Variants in PTPRD observed in about 807,000 individuals in gnomAD.
PTPRD encodes protein tyrosine phosphatase receptor type D.
A neutral mutation model predicts 214.5 loss-of-function variants in PTPRD; 34 were observed. That is an observed-to-expected ratio of 0.16 (90% CI 0.12 to 0.21). The LOEUF is 0.21. Ranked by LOEUF, PTPRD falls within the 10% of genes least tolerant of loss-of-function variation. The pLI is 1.00. For synonymous variants in PTPRD, 1,128 were observed against 845.7 expected (o/e 1.33, Z -5.79); for missense variants, 2,545 against 2,398.7 (o/e 1.06, Z -1.27).
At chr9:10,151,338 C>T (rs1380173290) in intron 3 of PTPRD, among the ~76,000 whole-genome samples, 4 of 139,394 alleles carry the variant, frequency 2.9e-5, no homozygotes, top group Admixed American at 7.9e-5. Context: ...TCTCGGCTCA[C>T]TGCAACCTTT....
At chr9:8,445,202 T>G (rs1257908481) in intron 34 of PTPRD, among the ~76,000 whole-genome samples, 3 of 152,194 alleles carry the variant, frequency 2.0e-5, no homozygotes, top group Admixed American at 2.0e-4. Context: ...GTGATACAAC[T>G]GATGTTACTT....
chr9:8,802,203 C>T (rs773996767), intron 11 of PTPRD, among the ~76,000 whole-genome samples: 1 of 152,120 alleles, frequency 6.6e-6, no homozygotes, highest in African/African-American at 2.4e-5. Flanking sequence ...CAGGGATTAT[C>T]TGAGTAATGT....
Position 9,904,358 on chromosome 9 carries a change from C to G in PTPRD, c.-368+34149G>C, listed in dbSNP as rs544565695. Among the ~76,000 whole-genome samples, 99 of 152,124 alleles carry G rather than the reference C, an allele frequency of 6.5e-4. 2 individuals carry two copies. The South Asian group carries it at 0.017, about 26-fold the overall frequency. On this transcript the variant is annotated intron_variant, in intron 5 of 45. Coordinates refer to ENST00000381196, the MANE Select transcript of PTPRD (RefSeq NM_002839.4). ...TTTCAGGAAAGGGAACAAAAAAACG[C>G]TTGTGATTAGAAGATTGGGGAAAAG...
chr9:8,342,000 A>G (rs771308317), intron 39 of PTPRD, 22 bp from the exon 40 acceptor site: 1 of 1,570,478 alleles, frequency 6.4e-7, no homozygotes, highest in Non-Finnish European at 8.6e-7. Flanking sequence ...ATAGAGAAGA[A>G]AAGCCCAAAT....
chr9:8,932,513 G>A (rs1365452647), intron 11 of PTPRD, among the ~76,000 whole-genome samples: 3 of 152,320 alleles, frequency 2.0e-5, no homozygotes, highest in Non-Finnish European at 4.4e-5. Context: ...GGAGATGGGA[G>A]TTTGATCCAT....
At chr9:9,151,047 T>C (rs569191825) in intron 10 of PTPRD, among the ~76,000 whole-genome samples, 179 of 152,322 alleles carry the variant, frequency 1.2e-3, no homozygotes, top group Non-Finnish European at 2.0e-3. Flanking sequence ...TATGCAGCCA[T>C]TATAATTAAA....
chr9:9,931,153 C>G (rs1398115233), intron 5 of PTPRD, among the ~76,000 whole-genome samples: 1 of 151,332 alleles, frequency 6.6e-6, no homozygotes, highest in East Asian at 1.9e-4. Flanking sequence ...TACTTTTTTC[C>G]TATAGAAAAA....
chr9:10,081,575 C>G lies in PTPRD; in HGVS notation c.-544-47785G>C, dbSNP rs550276849. On this transcript the variant is annotated intron_variant, in intron 3 of 45. Transcript: ENST00000381196. ...TCTGCCAGCCAAGAGAGGGCCCTCA[C>G]CGCAACCTGACCATGCTAGGGCCCT... Among the ~76,000 whole-genome samples, 8 of 152,168 alleles carry G rather than the reference C, an allele frequency of 5.3e-5. No homozygotes were observed. The East Asian group carries it at 1.6e-3, about 30-fold the overall frequency.
At chr9:9,235,034 G>A (rs944170836) in intron 9 of PTPRD, among the ~76,000 whole-genome samples, 4 of 152,116 alleles carry the variant, frequency 2.6e-5, no homozygotes, top group Admixed American at 1.3e-4. Flanking sequence ...CTGAGACTGG[G>A]TAATTTATAA....
chr9:9,732,427 T>C (rs1247005874), intron 7 of PTPRD, among the ~76,000 whole-genome samples: 2 of 152,104 alleles, frequency 1.3e-5, no homozygotes, highest in African/African-American at 4.8e-5. Flanking sequence ...TGAAATAAGA[T>C]ATATTAGAAG....
chr9:9,707,234 G>T (rs1025485371), intron 7 of PTPRD, among the ~76,000 whole-genome samples: 1 of 152,014 alleles, frequency 6.6e-6, no homozygotes, highest in African/African-American at 2.4e-5. Flanking sequence ...TATAATTATG[G>T]GTATTGTTAA....
chr9:9,330,612 T>C (rs1443160648), intron 9 of PTPRD, among the ~76,000 whole-genome samples: 3 of 152,090 alleles, frequency 2.0e-5, no homozygotes, highest in Admixed American at 6.6e-5. Context: ...AAATGTATGA[T>C]GATGCTATTA....
At chr9:9,031,543 T>C (rs533508138) in intron 10 of PTPRD, among the ~76,000 whole-genome samples, 13 of 152,194 alleles carry the variant, frequency 8.5e-5, no homozygotes, top group South Asian at 6.2e-4. Flanking sequence ...TGTTGCACTA[T>C]GACATAATGG....
chr9:10,178,430 G>C (rs80355037), intron 3 of PTPRD, among the ~76,000 whole-genome samples: 4,330 of 152,006 alleles, frequency 0.028, 145 homozygotes, highest in African/African-American at 0.075. Context: ...TTTAAAAGAA[G>C]AGAGGAGCCA....
At chr9:9,469,914 A>T (rs1015409067) in intron 8 of PTPRD, among the ~76,000 whole-genome samples, 1 of 152,192 alleles carries the variant, frequency 6.6e-6, no homozygotes, top group Non-Finnish European at 1.5e-5. Flanking sequence ...AATCATTCTC[A>T]GGCTATGGGG....
chr9:10,228,158 A>AC (rs55884386), intron 3 of PTPRD, among the ~76,000 whole-genome samples: 56 of 151,908 alleles, frequency 3.7e-4, no homozygotes, highest in Admixed American at 1.2e-3. Context: ...TTCATTTCCA[A>AC]TAAAATCTTG....
chr9:8,618,382 TA>T (rs2095683491), intron 14 of PTPRD, among the ~76,000 whole-genome samples: 1 of 152,094 alleles, frequency 6.6e-6, no homozygotes, highest in Non-Finnish European at 1.5e-5. Context: ...CAACTGGTAA[TA>T]TTCAAAAAGA....
chr9:10,158,000 G>T (rs1417398591), intron 3 of PTPRD, among the ~76,000 whole-genome samples: 1 of 119,720 alleles, frequency 8.4e-6, no homozygotes, highest in Non-Finnish European at 1.8e-5. Flanking sequence ...GTTGTTTATG[G>T]TTTTTTGTTT....
intron 2 of PTPRD, among the ~76,000 whole-genome samples, chr9:10,514,891 T>G (rs1399460603): frequency 6.6e-6 from 1 of 151,988 alleles, no homozygotes; most frequent in African/African-American, 2.4e-5. Flanking sequence ...GAAATTATTT[T>G]TTAAAAATGC....
Sources: allele counts gnomAD v4.1 joint callset (sites outside exome capture counted in the v4.1 genomes callset), GRCh38; gene constraint gnomAD v4.1.1; transcripts MANE v1.5; gene names NCBI Gene and HGNC (gene_info 2026-07-23, HGNC 2026-07-21).